The following STIM1 variants were observed in gnomAD, a reference collection of about 807,000 sequenced individuals.
STIM1 encodes the protein stromal interaction molecule 1.
A neutral mutation model predicts 74.7 loss-of-function variants in STIM1; 25 were observed. The observed-to-expected ratio is 0.33, with a 90% CI of 0.24 to 0.47. The LOEUF (loss-of-function observed/expected upper bound fraction) is 0.47, where lower values mean the gene tolerates loss of function less well. Among genes scored for constraint, STIM1 ranks in the 20% least tolerant of loss-of-function variants. The pLI, the probability that STIM1 is intolerant of heterozygous loss-of-function variation, is 1.00. For missense variants in STIM1, 728 were observed against 920.8 expected (o/e 0.79, Z 2.71); for synonymous variants, 328 against 348.8 (o/e 0.94, Z 0.66).
At chr11:3,904,326 CAT>C (rs1020833753) in intron 1 of STIM1, among the ~76,000 whole-genome samples, 1 of 151,750 alleles carries the variant, frequency 6.6e-6, no homozygotes, top group African/African-American at 2.4e-5. Context: ...TGCCCTGGAG[CAT>C]ATTCTGGGCA....
In STIM1 at chr11:4,008,483, C is replaced by T. The variant is rs887381591; in HGVS notation, c.271-15390C>T. Among the ~76,000 whole-genome samples, 28 of 152,274 alleles carry T rather than the reference C, an allele frequency of 1.8e-4. 1 individual carries two copies. The highest frequency in any genetic ancestry group is 6.5e-4 in the African/African-American group (27 of 41,564). Reference sequence around the variant, plus strand: ...CCAAACTTACAAATAAAGACCAAAACACTTACAATATGAAACACTGAAATA... The same window carrying T: ...CCAAACTTACAAATAAAGACCAAAATACTTACAATATGAAACACTGAAATA... On this transcript the variant is annotated intron_variant, in intron 2 of 12. Coordinates refer to ENST00000526596, the MANE Select transcript of STIM1 (RefSeq NM_001382567.1).
chr11:3,969,024 C>G (rs997174458), intron 2 of STIM1, among the ~76,000 whole-genome samples: 1 of 152,192 alleles, frequency 6.6e-6, no homozygotes, highest in Non-Finnish European at 1.5e-5. Context: ...ATTGTTTCTC[C>G]TATTCTAAGA....
At position 4,083,311 on chromosome 11, in the gene STIM1, C is replaced by G. The variant is rs1319556165; in HGVS notation, c.1287C>G (p.Arg429=). The G allele has an allele frequency of 1.2e-6, 2 of 1,614,270 alleles. No homozygotes were observed. The highest frequency in any genetic ancestry group is 1.7e-6 in the Non-Finnish European group (2 of 1,180,052). The change falls in exon 10 of 13, where the codon CGC becomes CGG. Residue 429 remains arginine, a synonymous_variant. Coordinates refer to ENST00000526596, the MANE Select transcript of STIM1 (RefSeq NM_001382567.1). ...VTAALRERLH[R]WQQIEILCGF... ...CAGCATTGCGGGAGCGCCTGCACCG[C>G]TGGCAACAGATCGAGATCCTCTGTG...
intron 2 of STIM1, among the ~76,000 whole-genome samples, chr11:3,988,785 A>G (rs1191514375): frequency 6.6e-6 from 1 of 152,212 alleles, no homozygotes; most frequent in Non-Finnish European, 1.5e-5. Context: ...AAGTAATTTA[A>G]AATGTTCAAG....
intron 1 of STIM1, among the ~76,000 whole-genome samples, chr11:3,934,622 A>G (rs2092911238): frequency 6.6e-6 from 1 of 152,248 alleles, no homozygotes; most frequent in South Asian, 2.1e-4. Flanking sequence ...GAATTGAACA[A>G]TTCAATTCAT....
chr11:4,016,341 C>T (rs781532855), intron 2 of STIM1, among the ~76,000 whole-genome samples: 3 of 152,182 alleles, frequency 2.0e-5, no homozygotes, highest in Non-Finnish European at 4.4e-5. Context: ...GGGAGGTCCA[C>T]TCCAGACCCT....
chr11:3,856,121 G>T lies in STIM1; in HGVS notation c.-150G>T. 1 of 997,396 alleles carries T rather than the reference G, an allele frequency of 1.0e-6. No homozygotes were observed. The highest frequency in any genetic ancestry group is 1.4e-5 in the South Asian group (1 of 72,376). The allele number at this position is 997,396 out of a possible 1,614,324, so 61.8% of individuals were successfully genotyped here. ...TTGGAGCACTTGACCTTTGGCTGTT[G>T]GAGGGGGCAGGCTCGCGGGTGGCTG... On this transcript the variant is annotated 5_prime_UTR_variant, in exon 1 of 13. Transcript: ENST00000526596.
intron 1 of STIM1, among the ~76,000 whole-genome samples, chr11:3,923,251 A>G (rs890268302): frequency 7.2e-5 from 11 of 152,002 alleles, no homozygotes; most frequent in Non-Finnish European, 1.6e-4. Flanking sequence ...GTGTGAAGTA[A>G]TGATTCTAGG....
chr11:4,076,578 C>T (rs2094438723), intron 7 of STIM1, among the ~76,000 whole-genome samples: 1 of 149,436 alleles, frequency 6.7e-6, no homozygotes, highest in African/African-American at 2.5e-5. Context: ...CAAGATATTT[C>T]CCTAAATTTT....
chr11:3,999,169 G>A (rs1269280873), intron 2 of STIM1, among the ~76,000 whole-genome samples: 2 of 152,148 alleles, frequency 1.3e-5, no homozygotes, highest in African/African-American at 4.8e-5. Context: ...AATATGGTAA[G>A]ACCCTGTCTC....
At chr11:4,019,509 A>G (rs1170159824) in intron 2 of STIM1, among the ~76,000 whole-genome samples, 1 of 151,968 alleles carries the variant, frequency 6.6e-6, no homozygotes, top group East Asian at 1.9e-4. Flanking sequence ...CACCGTGTGT[A>G]CAAAAAATTT....
intron 7 of STIM1, among the ~76,000 whole-genome samples, chr11:4,076,679 C>G (rs954429712): frequency 1.7e-4 from 25 of 145,696 alleles, no homozygotes; most frequent in African/African-American, 6.3e-4. Flanking sequence ...TGTCAAGGAT[C>G]TTTGTTTTTT....
chr11:3,873,856 A>AT lies in STIM1; in HGVS notation c.139+17448dup, dbSNP rs1170367344. The stretch of plus-strand genomic sequence containing the variant: ...GCCTGATTCCCCAAAGAATTCAGTG[A>AT]TAAAAATTAGGGCACTTGAGCATAT... On this transcript the variant is annotated intron_variant, in intron 1 of 12. Coordinates refer to ENST00000526596, the MANE Select transcript of STIM1 (RefSeq NM_001382567.1). 7.9e-5 allele frequency among the ~76,000 whole-genome samples: 12 copies of AT among 152,314 alleles called. No homozygotes were observed. In the East Asian group the frequency reaches 1.3e-3, roughly 17 times the overall value.
chr11:3,948,962 A>T (rs1336143414), intron 1 of STIM1, among the ~76,000 whole-genome samples: 1 of 152,252 alleles, frequency 6.6e-6, no homozygotes. Context: ...GTAATAATTG[A>T]ACACTTACTA....
At chr11:3,885,443 T>C (rs879323648) in intron 1 of STIM1, among the ~76,000 whole-genome samples, 1 of 152,156 alleles carries the variant, frequency 6.6e-6, no homozygotes, top group Admixed American at 6.5e-5. Context: ...TGCCTTGGCC[T>C]CCCAAAGTTT....
chr11:3,931,312 G>A lies in STIM1; in HGVS notation c.140-36240G>A, dbSNP rs149997334. Reference sequence around the variant, plus strand: ...ATGTCCATGTCAGTTCATTTATTCAGCAATCATTTACAACTGCTGGGTTAT... The same window carrying A: ...ATGTCCATGTCAGTTCATTTATTCAACAATCATTTACAACTGCTGGGTTAT... On this transcript the variant is annotated intron_variant, in intron 1 of 12. Coordinates refer to ENST00000526596, the MANE Select transcript of STIM1 (RefSeq NM_001382567.1). 1.2e-3 allele frequency among the ~76,000 whole-genome samples: 176 copies of A among 152,304 alleles called. 1 individual carries two copies. Among genetic ancestry groups the A allele is most frequent in the African/African-American group, 4.2e-3 (173 of 41,562 alleles).
intron 1 of STIM1, among the ~76,000 whole-genome samples, chr11:3,906,627 T>C (rs542491044): frequency 6.6e-6 from 1 of 152,198 alleles, no homozygotes; most frequent in Non-Finnish European, 1.5e-5. Flanking sequence ...TCTTTACATA[T>C]TTATTTTATT....
intron 7 of STIM1, 99 bp from the exon 8 acceptor site, chr11:4,082,084 GT>G: frequency 8.0e-7 from 1 of 1,254,954 alleles, no homozygotes; most frequent in Non-Finnish European, 1.2e-6. Context: ...TCCTGGGAGA[GT>G]TGTAAAGCAG....
At chr11:3,988,003 G>A (rs2093573257) in intron 2 of STIM1, among the ~76,000 whole-genome samples, 1 of 152,162 alleles carries the variant, frequency 6.6e-6, no homozygotes, top group Non-Finnish European at 1.5e-5. Flanking sequence ...GCCCAAAGGT[G>A]AGTGTCATTT....
Sources: gnomAD v4.1 joint callset for allele counts (sites outside exome capture counted in the v4.1 genomes callset) on GRCh38, gnomAD v4.1.1 for gene constraint, MANE v1.5 for transcripts, NCBI Gene and HGNC (gene_info 2026-07-23, HGNC 2026-07-21) for gene names.